Variants in SLC2A13 observed in about 807,000 individuals in gnomAD.
SLC2A13 encodes proton myo-inositol cotransporter.
A neutral mutation model predicts 64.4 loss-of-function variants in SLC2A13; 32 were observed. The observed-to-expected ratio is 0.50, with a 90% CI of 0.37 to 0.67. The LOEUF (loss-of-function observed/expected upper bound fraction) is 0.67. Among genes scored for constraint, SLC2A13 ranks in the 30% least tolerant of loss-of-function variants. The probability of loss-of-function intolerance (pLI) is 0.00; values close to 1 mark genes in which losing one functional copy is unlikely to be tolerated. For missense variants in SLC2A13, 743 were observed against 829.2 expected, an observed-to-expected ratio of 0.90 and a Z score of 1.28; for synonymous variants, 338 against 327.1, an observed-to-expected ratio of 1.03 and a Z score of -0.36.
rs184167448 is a variant in SLC2A13, at chr12:39,975,435, G to A, written c.926-24070C>T. On this transcript the variant is annotated intron_variant, in intron 3 of 9. Coordinates refer to ENST00000280871, the MANE Select transcript of SLC2A13 (RefSeq NM_052885.4). ...TCTGAATTCTCATAAAAATATGTTC[G>A]TGTAATAAGGTTTGTTCAGTGATGA... Among the ~76,000 whole-genome samples the A allele has an allele frequency of 1.5e-4, 23 of 152,224 alleles. No individual in the cohort carries two copies. The East Asian group carries it at 1.5e-3, about 10-fold the overall frequency.
At chr12:40,020,675 T>C (rs1020634566) in intron 3 of SLC2A13, among the ~76,000 whole-genome samples, 1 of 151,916 alleles carries the variant, frequency 6.6e-6, no homozygotes, top group Non-Finnish European at 1.5e-5. Flanking sequence ...GCCTTCCCCT[T>C]TGAGGTGGGA....
chr12:39,785,552 A>T (rs1941155837), intron 7 of SLC2A13, among the ~76,000 whole-genome samples: 1 of 152,212 alleles, frequency 6.6e-6, no homozygotes, highest in Admixed American at 6.5e-5. Context: ...CCCCACAGAG[A>T]GTCCCTACTG....
At chr12:40,101,735 A>G (rs1306254169) in intron 1 of SLC2A13, among the ~76,000 whole-genome samples, 4 of 152,050 alleles carry the variant, frequency 2.6e-5, no homozygotes, top group Non-Finnish European at 5.9e-5. Flanking sequence ...TGCTTCAAAT[A>G]CTAATTTGAT....
chr12:39,756,836 G>A lies in SLC2A13; in HGVS notation c.*3190C>T, dbSNP rs1264556381. ...AATAACTTAATATTTAGACTCTTATGTACTAAAATCAGGTTCAGTGGTAAA... is the reference window on the plus strand; with the variant it reads ...AATAACTTAATATTTAGACTCTTATATACTAAAATCAGGTTCAGTGGTAAA... On this transcript the variant is annotated 3_prime_UTR_variant, in exon 10 of 10. Coordinates refer to ENST00000280871, the MANE Select transcript of SLC2A13 (RefSeq NM_052885.4). 6.6e-6 allele frequency: 1 copy of A among 151,498 alleles called. No individual in the cohort carries two copies. The highest frequency in any genetic ancestry group is 1.5e-5 in the Non-Finnish European group (1 of 67,656). 9.4% of individuals were successfully genotyped at this position (151,498 alleles called of 1,614,324 possible).
Position 39,951,197 on chromosome 12 carries a change from T to C in SLC2A13, c.1034+60A>G, listed in dbSNP as rs762388797. ...TATTTACATGAAATACTTTTCACTA[T>C]TTCACATAAAATAATCCTTTCACAA... is the stretch of plus-strand genomic sequence containing the variant. On this transcript the variant is annotated intron_variant, in intron 4 of 9. Coordinates refer to ENST00000280871, the MANE Select transcript of SLC2A13 (RefSeq NM_052885.4). The C allele has an allele frequency of 2.4e-5, 34 of 1,440,104 alleles. 1 individual carries two copies. In the South Asian group the frequency reaches 3.6e-4, roughly 15 times the overall value. 89.2% of individuals were successfully genotyped at this position (1,440,104 alleles called of 1,614,324 possible).
intron 1 of SLC2A13, among the ~76,000 whole-genome samples, chr12:40,101,239 AT>A (rs1268161922): frequency 1.3e-5 from 2 of 151,952 alleles, no homozygotes; most frequent in African/African-American, 2.4e-5. Flanking sequence ...GGCACGCAGT[AT>A]TTTTTTTACA....
intron 2 of SLC2A13, 63 bp from the exon 3 acceptor site, chr12:40,028,572 A>T: frequency 6.6e-7 from 1 of 1,526,374 alleles, no homozygotes; most frequent in Non-Finnish European, 9.0e-7. Context: ...TGCTCACCAC[A>T]TACTTTTGTG....
intron 4 of SLC2A13, among the ~76,000 whole-genome samples, chr12:39,912,973 T>C (rs1000542090): frequency 6.6e-6 from 1 of 152,144 alleles, no homozygotes; most frequent in Non-Finnish European, 1.5e-5. Flanking sequence ...TTCTTTGTCT[T>C]ATAAAGTATA....
At chr12:39,952,282 A>G (rs1203445946) in intron 3 of SLC2A13, among the ~76,000 whole-genome samples, 2 of 152,166 alleles carry the variant, frequency 1.3e-5, no homozygotes, top group Non-Finnish European at 2.9e-5. Flanking sequence ...TAATGGAGCT[A>G]GAGTCAACTC....
intron 1 of SLC2A13, among the ~76,000 whole-genome samples, chr12:40,069,897 A>G (rs1385887935): frequency 6.6e-6 from 1 of 152,096 alleles, no homozygotes; most frequent in African/African-American, 2.4e-5. Context: ...TTTCTTATAT[A>G]CAATCAGTTT....
chr12:39,955,334 A>C (rs1254705267), intron 3 of SLC2A13, among the ~76,000 whole-genome samples: 1 of 152,194 alleles, frequency 6.6e-6, no homozygotes, highest in Non-Finnish European at 1.5e-5. Flanking sequence ...GAATGGAGCT[A>C]AAGTGTAACA....
chr12:39,907,366 A>G (rs564604355), intron 4 of SLC2A13, among the ~76,000 whole-genome samples: 4 of 152,240 alleles, frequency 2.6e-5, no homozygotes, highest in African/African-American at 9.6e-5. Context: ...TCAATGAAGA[A>G]AGAGAAAATA....
At chr12:39,806,172 A>G (rs1294907555) in intron 7 of SLC2A13, among the ~76,000 whole-genome samples, 1 of 152,218 alleles carries the variant, frequency 6.6e-6, no homozygotes, top group Admixed American at 6.5e-5. Flanking sequence ...AAATTAAGAA[A>G]AAAATCGATG....
chr12:39,833,527 G>C (rs1942919727), intron 6 of SLC2A13, among the ~76,000 whole-genome samples: 1 of 151,856 alleles, frequency 6.6e-6, no homozygotes, highest in African/African-American at 2.4e-5. Context: ...TTCATATTTA[G>C]GTTTCTCTAT....
chr12:39,916,365 C>T (rs1415593421), intron 4 of SLC2A13, among the ~76,000 whole-genome samples: 1 of 151,872 alleles, frequency 6.6e-6, no homozygotes, highest in African/African-American at 2.4e-5. Context: ...ACATAAAAAA[C>T]ATGTAGATCT....
At chr12:39,764,918 C>A in intron 7 of SLC2A13, 60 bp from the exon 8 acceptor site, 1 of 1,553,480 alleles carries the variant, frequency 6.4e-7, no homozygotes, top group Non-Finnish European at 8.8e-7. Flanking sequence ...TGCAGAAATT[C>A]AATATGATCA....
chr12:40,097,622 A>G (rs1044882074), intron 1 of SLC2A13, among the ~76,000 whole-genome samples: 1 of 152,212 alleles, frequency 6.6e-6, no homozygotes, highest in Non-Finnish European at 1.5e-5. Flanking sequence ...CAACAAGCCT[A>G]TGAAAAAATG....
intron 1 of SLC2A13, among the ~76,000 whole-genome samples, chr12:40,074,741 A>G (rs7132755): frequency 0.014 from 2,089 of 152,160 alleles, 47 homozygotes; most frequent in African/African-American, 0.046. Flanking sequence ...TTTTCTTGAT[A>G]GCCAGACATG....
intron 4 of SLC2A13, among the ~76,000 whole-genome samples, chr12:39,948,800 C>T (rs1364594338): frequency 2.0e-5 from 3 of 152,058 alleles, no homozygotes; most frequent in Admixed American, 6.5e-5. Context: ...TATACATAAA[C>T]ATATGTGTTA....
Sources: allele counts gnomAD v4.1 joint callset (sites outside exome capture counted in the v4.1 genomes callset), GRCh38; gene constraint gnomAD v4.1.1; transcripts MANE v1.5; gene names NCBI Gene and HGNC (gene_info 2026-07-23, HGNC 2026-07-21).